NCOA1: variants seen among roughly 807,000 people sequenced by gnomAD.
The protein encoded by NCOA1 is Hin-2 protein.
In NCOA1, 35 loss-of-function variants were observed where a neutral mutation model predicts 150.9. The observed-to-expected ratio is 0.23, with a 90% confidence interval of 0.18 to 0.31. The LOEUF is 0.31. Among genes scored for constraint, NCOA1 ranks in the 10% least tolerant of loss-of-function variants. The pLI is 1.00. For synonymous variants in NCOA1, 590 were observed against 630.0 expected (o/e 0.94, Z 0.95); for missense variants, 1,491 against 1,749.3 (o/e 0.85, Z 2.63).
intron 13 of NCOA1, among the ~76,000 whole-genome samples, chr2:24,709,461 T>G (rs1673625102): frequency 6.6e-6 from 1 of 152,214 alleles, no homozygotes. Flanking sequence ...TTTGGATATC[T>G]TCTTTTGTAA....
intron 1 of NCOA1, among the ~76,000 whole-genome samples, chr2:24,551,167 G>A (rs192977229): frequency 2.0e-5 from 3 of 151,632 alleles, no homozygotes; most frequent in African/African-American, 7.3e-5. Flanking sequence ...AACACTGGAT[G>A]CTCTATCCAG....
At position 24,768,516 on chromosome 2, in the gene NCOA1, CAAAAAAAAAA is replaced by C. The variant is rs772970404; in HGVS notation, c.*141_*150del. On this transcript the variant is annotated 3_prime_UTR_variant, in exon 23 of 23. Transcript: ENST00000348332. The stretch of plus-strand genomic sequence containing the variant: ...ATTCTTCAGGTCGTAGCATTTGGAG[CAAAAAAAAAA>C]AAAAAAAAAAAAAAAGGAGTTTGCT... 7.8e-4 allele frequency: 43 copies of C among 55,194 alleles called. No homozygotes were observed. Among genetic ancestry groups the C allele is most frequent in the Middle Eastern group, 0.013 (2 of 154 alleles). 3.4% of individuals were successfully genotyped at this position (55,194 alleles called of 1,614,324 possible). A position where few individuals can be genotyped will look rare whatever the true frequency, so the allele number is the denominator to read the frequency against.
intron 20 of NCOA1, among the ~76,000 whole-genome samples, chr2:24,755,725 C>T (rs1664465534): frequency 6.6e-6 from 1 of 152,170 alleles, no homozygotes; most frequent in Admixed American, 6.5e-5. Context: ...GAACTATTGG[C>T]AGGAGCAGTT....
At chr2:24,640,675 C>T (rs987999093) in intron 3 of NCOA1, among the ~76,000 whole-genome samples, 3 of 152,100 alleles carry the variant, frequency 2.0e-5, no homozygotes, top group Non-Finnish European at 2.9e-5. Context: ...ATTCTGTCTT[C>T]CTGATGCATT....
chr2:24,496,240 T>C (rs548429617), intron 1 of NCOA1, among the ~76,000 whole-genome samples: 10 of 152,256 alleles, frequency 6.6e-5, no homozygotes, highest in Admixed American at 1.3e-4. Flanking sequence ...TTTTATGTTA[T>C]TGTTTTCAGA....
At chr2:24,591,551 G>T (rs1487742088) in intron 3 of NCOA1, among the ~76,000 whole-genome samples, 1 of 152,148 alleles carries the variant, frequency 6.6e-6, no homozygotes, top group African/African-American at 2.4e-5. Flanking sequence ...TCTGTAGCTT[G>T]TGGATGTGAG....
At chr2:24,729,917 C>A in intron 17 of NCOA1, 102 bp downstream of exon 17, 2 of 1,240,456 alleles carry the variant, frequency 1.6e-6, no homozygotes, top group Non-Finnish European at 2.2e-6. Context: ...GCTATCTCAG[C>A]CCACTGCAAC....
intron 1 of NCOA1, among the ~76,000 whole-genome samples, chr2:24,499,476 A>G (rs1475360205): frequency 6.6e-6 from 1 of 151,950 alleles, no homozygotes; most frequent in Non-Finnish European, 1.5e-5. Context: ...AATGTGCTTT[A>G]TATTGTTCTT....
chr2:24,640,603 C>G (rs148488709), intron 3 of NCOA1, among the ~76,000 whole-genome samples: 1 of 152,094 alleles, frequency 6.6e-6, no homozygotes. Context: ...AGCCTGGGAG[C>G]TCAAGACCAG....
In NCOA1 at chr2:24,728,324, C is replaced by A. The variant is rs779539322; in HGVS notation, c.2734C>A (p.Gln912Lys). ...SKSEDQCISSQLDELLCPPTT... is the reference protein window; with the variant it reads ...SKSEDQCISSKLDELLCPPTT... ...ATCCTGCAGCCAGTGTATTAGCTCA[C>A]AATTAGATGAGCTTCTCTGTCCACC... Residue 912 changes from glutamine to lysine, a missense_variant, in exon 16 of 23, where the codon CAA (glutamine) becomes AAA (lysine). Gln to Lys is a moderately conservative substitution (Grantham distance 53). Transcript: ENST00000348332. The A allele has an allele frequency of 6.2e-7, 1 of 1,611,610 alleles. No individual in the cohort carries two copies. Among genetic ancestry groups the A allele is most frequent in the South Asian group, 1.1e-5 (1 of 90,488 alleles).
intron 1 of NCOA1, among the ~76,000 whole-genome samples, chr2:24,555,067 G>C (rs1200094553): frequency 6.6e-6 from 1 of 151,692 alleles, no homozygotes; most frequent in Non-Finnish European, 1.5e-5. Flanking sequence ...AAGAGAAAGA[G>C]AAAGAAAAAG....
At chr2:24,755,826 A>G (rs1349768991) in intron 20 of NCOA1, among the ~76,000 whole-genome samples, 1 of 152,244 alleles carries the variant, frequency 6.6e-6, no homozygotes, top group Non-Finnish European at 1.5e-5. Flanking sequence ...ACATCATTGC[A>G]GTCCTTGAAG....
At chr2:24,697,093 C>T (rs55953251) in intron 10 of NCOA1, among the ~76,000 whole-genome samples, 2,422 of 152,080 alleles carry the variant, frequency 0.016, 62 homozygotes, top group African/African-American at 0.055. Context: ...GCGTATGTTC[C>T]GTGTGCATAC....
At position 24,707,776 on chromosome 2, in the gene NCOA1, A is replaced by G. The variant is rs769739952; in HGVS notation, c.2306A>G (p.Asp769Gly). ...DLRSTPNLSL[D>G]DVKVKVEKKE... ...AGATCAACTCCAAACCTGAGCCTGG[A>G]TGATGTAAAGGTGAAAGTGGAAAAG... The change falls in exon 13 of 23, where the codon GAT becomes GGT. Residue 769 changes from aspartate (D) to glycine (G), a missense_variant. Coordinates refer to ENST00000348332, the MANE Select transcript of NCOA1 (RefSeq NM_003743.5). 6 of 1,614,200 alleles carry G rather than the reference A, an allele frequency of 3.7e-6. No homozygotes were observed. The Admixed American group carries it at 5.0e-5, about 13-fold the overall frequency.
chr2:24,734,804 TA>T (rs58003936), intron 17 of NCOA1, among the ~76,000 whole-genome samples: 43,341 of 149,060 alleles, frequency 0.29, 6,364 homozygotes, highest in East Asian at 0.42. Flanking sequence ...ACCTTGTCTC[TA>T]AAAAAAAAAA....
At chr2:24,711,380 C>A in intron 14 of NCOA1, 1 of 272,222 alleles carries the variant, frequency 3.7e-6, no homozygotes, top group Non-Finnish European at 6.8e-6. Flanking sequence ...CCCAAAACAC[C>A]CCATAACAGG....
chr2:24,744,851 A>G (rs1663810742), intron 19 of NCOA1, among the ~76,000 whole-genome samples: 1 of 152,208 alleles, frequency 6.6e-6, no homozygotes, highest in African/African-American at 2.4e-5. Flanking sequence ...TAGTTAAAGA[A>G]ACTTTATGGC....
chr2:24,499,478 A>G lies in NCOA1; in HGVS notation c.-396+7876A>G, dbSNP rs533528455. On this transcript the variant is annotated intron_variant, in intron 1 of 22. Coordinates refer to ENST00000348332, the MANE Select transcript of NCOA1 (RefSeq NM_003743.5). ...TTCATGCCCTCTAAATGTGCTTTAT[A>G]TTGTTCTTAGTGTACTTCTTTTCCA... Among the ~76,000 whole-genome samples, 62 of 152,042 alleles carry G rather than the reference A, an allele frequency of 4.1e-4. No individual in the cohort carries two copies. The South Asian group carries it at 0.012, about 29-fold the overall frequency.
rs2148548768 is a variant in NCOA1, at chr2:24,686,672, AAAG to A, written c.532+3549_532+3551del. Among the ~76,000 whole-genome samples, 2 of 152,322 alleles carry A rather than the reference AAAG, an allele frequency of 1.3e-5. 1 individual carries two copies. The highest frequency in any genetic ancestry group is 4.1e-4 in the South Asian group (2 of 4,832). On this transcript the variant is annotated intron_variant, in intron 8 of 22. Coordinates refer to ENST00000348332, the MANE Select transcript of NCOA1 (RefSeq NM_003743.5). ...TATGTAGCTCAGTGCCTACTGTTTA[AAAG>A]AAGATTTAGGTTCAAAAAAGTTTTG...
Sources: allele counts gnomAD v4.1 joint callset (sites outside exome capture counted in the v4.1 genomes callset), GRCh38; gene constraint gnomAD v4.1.1; transcripts MANE v1.5; gene names NCBI Gene and HGNC (gene_info 2026-07-23, HGNC 2026-07-21).